OR10A2: variants seen among roughly 807,000 people sequenced by gnomAD.
OR10A2 encodes the protein olfactory receptor 10A2.
OR10A2 carries 15 observed loss-of-function variants against 13.7 expected under a neutral mutation model. The ratio of observed to expected loss-of-function variants is 1.10; its 90% CI spans 0.73 to 1.69. The LOEUF (loss-of-function observed/expected upper bound fraction) is 1.69, where lower values mean the gene tolerates loss of function less well. OR10A2 is among the 40% of genes most tolerant of loss of function. The pLI is 0.00. For synonymous variants in OR10A2, 145 were observed against 144.7 expected, an observed-to-expected ratio of 1.00 and a Z score of -0.02; for missense variants, 343 against 361.1, an observed-to-expected ratio of 0.95 and a Z score of 0.41.
Position 6,870,736 on chromosome 11 carries a change from C to T in OR10A2, c.*70C>T. 8.5e-7 allele frequency: 1 copy of T among 1,175,858 alleles called. No individual in the cohort carries two copies. The highest frequency in any genetic ancestry group is 1.2e-6 in the Non-Finnish European group (1 of 828,500). The allele number at this position is 1,175,858 out of a possible 1,614,324, so 72.8% of individuals were successfully genotyped here. Reference sequence around the variant, plus strand: ...GTCCCAGATTTGAGATTCCTCTCTGCATCTTTCCACATCTCCAATAAGATG... The same window carrying T: ...GTCCCAGATTTGAGATTCCTCTCTGTATCTTTCCACATCTCCAATAAGATG... On this transcript the variant is annotated 3_prime_UTR_variant, in exon 2 of 2. Transcript: ENST00000641461.
intron 1 of OR10A2, among the ~76,000 whole-genome samples, chr11:6,865,280 C>T (rs1470143863): frequency 6.6e-6 from 1 of 150,750 alleles, no homozygotes; most frequent in Non-Finnish European, 1.5e-5. Context: ...TTGCATATAG[C>T]CTTTCAGTCT....
intron 1 of OR10A2, among the ~76,000 whole-genome samples, chr11:6,865,529 A>G (rs1041800219): frequency 1.3e-5 from 2 of 152,190 alleles, no homozygotes; most frequent in Non-Finnish European, 2.9e-5. Flanking sequence ...ACAATTGGCT[A>G]TGCTTACTAA....
At position 6,871,616 on chromosome 11, in the gene OR10A2, G is replaced by A. The variant is rs1026769058; in HGVS notation, c.*950G>A. The A allele has an allele frequency of 6.6e-6, 1 of 152,000 alleles. No homozygotes were observed. The highest frequency in any genetic ancestry group is 1.5e-5 in the Non-Finnish European group (1 of 68,014). The allele number at this position is 152,000 out of a possible 1,614,324, so 9.4% of individuals were successfully genotyped here. Reference sequence around the variant, plus strand: ...AGAAAAACAACCTGAGCTTCCCTAAGATCTCTATTCCATATTCAGGTTCTT... The same window carrying A: ...AGAAAAACAACCTGAGCTTCCCTAAAATCTCTATTCCATATTCAGGTTCTT... On this transcript the variant is annotated 3_prime_UTR_variant, in exon 2 of 2. Transcript: ENST00000641461.
Position 6,871,159 on chromosome 11 carries a change from G to A in OR10A2, c.*493G>A, listed in dbSNP as rs1848431634. ...AGACAGGGTTTCACCGTGTTAGCCA[G>A]GATGGTCTCGATCTCCTGACCTCGT... On this transcript the variant is annotated 3_prime_UTR_variant, in exon 2 of 2. Transcript: ENST00000641461. 6.5e-6 allele frequency: 1 copy of A among 153,364 alleles called. No individual in the cohort carries two copies. The highest frequency in any genetic ancestry group is 2.1e-4 in the South Asian group (1 of 4,868). 9.5% of individuals were successfully genotyped at this position (153,364 alleles called of 1,614,324 possible).
rs897693168 is a variant in OR10A2, at chr11:6,872,793, G to A, written c.*2127G>A. ...GTGAGCCATTGCATGCAACACAAGTGTTTCTCTTTTCTTTTCTTTCTTTCT... is the reference window on the plus strand; with the variant it reads ...GTGAGCCATTGCATGCAACACAAGTATTTCTCTTTTCTTTTCTTTCTTTCT... On this transcript the variant is annotated 3_prime_UTR_variant, in exon 2 of 2. Transcript: ENST00000641461. 5.3e-5 allele frequency: 8 copies of A among 150,324 alleles called. No individual in the cohort carries two copies. The highest frequency in any genetic ancestry group is 2.0e-4 in the African/African-American group (8 of 40,582). The allele number at this position is 150,324 out of a possible 1,614,324, so 9.3% of individuals were successfully genotyped here.
chr11:6,866,438 C>T (rs1848379054), intron 1 of OR10A2, among the ~76,000 whole-genome samples: 1 of 152,108 alleles, frequency 6.6e-6, no homozygotes, highest in African/African-American at 2.4e-5. Flanking sequence ...TTAATTTTAG[C>T]TTATCAGCCA....
chr11:6,870,406 G>A lies in OR10A2; in HGVS notation c.652G>A (p.Ala218Thr), dbSNP rs755529892. The change falls in exon 2 of 2, where the codon GCT becomes ACT. Residue 218 changes from alanine to threonine, a missense_variant. Coordinates refer to ENST00000641461, the MANE Select transcript of OR10A2 (RefSeq NM_001004460.2). The part of the protein sequence containing the change: ...IAAAILKIPS[A>T]KGKNKAFSTC... Reference sequence around the variant, plus strand: ...TGCTGCCATCCTCAAGATCCCATCAGCTAAAGGGAAGAATAAAGCCTTTTC... The same window carrying A: ...TGCTGCCATCCTCAAGATCCCATCAACTAAAGGGAAGAATAAAGCCTTTTC... The A allele has an allele frequency of 1.2e-6, 2 of 1,614,196 alleles. No homozygotes were observed. The highest frequency in any genetic ancestry group is 1.1e-5 in the South Asian group (1 of 91,080).
In OR10A2 at chr11:6,871,255, TA is replaced by T. The variant is rs2133070899; in HGVS notation, c.*590del. On this transcript the variant is annotated 3_prime_UTR_variant, in exon 2 of 2. Transcript: ENST00000641461. Reference sequence around the variant, plus strand: ...AGCCACCGCGCCTGGCCGGTGTTTATATTTCTGTGTGACGTGCATTGTGCAC... The same window carrying T: ...AGCCACCGCGCCTGGCCGGTGTTTATTTTCTGTGTGACGTGCATTGTGCAC... 6.5e-6 allele frequency: 1 copy of T among 152,822 alleles called. No individual in the cohort carries two copies. The highest frequency in any genetic ancestry group is 2.1e-4 in the South Asian group (1 of 4,840). The allele number at this position is 152,822 out of a possible 1,614,324, so 9.5% of individuals were successfully genotyped here. A position where few individuals can be genotyped will look rare whatever the true frequency, so the allele number is the denominator to read the frequency against.
intron 1 of OR10A2, among the ~76,000 whole-genome samples, chr11:6,867,083 G>A (rs1848384659): frequency 6.6e-6 from 1 of 151,948 alleles, no homozygotes; most frequent in Non-Finnish European, 1.5e-5. Flanking sequence ...AATTGACTCA[G>A]TTTTCTTAAG....
chr11:6,865,770 T>C lies in OR10A2; in HGVS notation c.-133+2419T>C, dbSNP rs534872772. Among the ~76,000 whole-genome samples the C allele has an allele frequency of 3.9e-5, 6 of 152,188 alleles. No individual in the cohort carries two copies. The East Asian group carries it at 5.8e-4, about 15-fold the overall frequency. The stretch of plus-strand genomic sequence containing the variant: ...GTTTTTTATGTGAGTAAATATGGAG[T>C]TTTACAGGAGACATAATCATTTCTG... On this transcript the variant is annotated intron_variant, in intron 1 of 1. Coordinates refer to ENST00000641461, the MANE Select transcript of OR10A2 (RefSeq NM_001004460.2).
chr11:6,869,411 C>T (rs988261326), intron 1 of OR10A2, among the ~76,000 whole-genome samples: 1 of 152,118 alleles, frequency 6.6e-6, no homozygotes, highest in African/African-American at 2.4e-5. Context: ...CAAAATGTAT[C>T]CTTTGATGGA....
intron 1 of OR10A2, among the ~76,000 whole-genome samples, chr11:6,869,032 A>C (rs1197318127): frequency 2.0e-5 from 3 of 152,256 alleles, no homozygotes; most frequent in Non-Finnish European, 4.4e-5. Flanking sequence ...ACAAAGCATG[A>C]TTTAGTAAAA....
intron 1 of OR10A2, among the ~76,000 whole-genome samples, chr11:6,868,798 C>T (rs72921002): frequency 0.33 from 49,416 of 151,790 alleles, 8,573 homozygotes; most frequent in South Asian, 0.41. Flanking sequence ...TTCTAGATTA[C>T]GAATACAATA....
Position 6,872,163 on chromosome 11 carries a change from G to A in OR10A2, c.*1497G>A, listed in dbSNP as rs892783323. 2 of 152,172 alleles carry A rather than the reference G, an allele frequency of 1.3e-5. No individual in the cohort carries two copies. Among genetic ancestry groups the A allele is most frequent in the Non-Finnish European group, 2.9e-5 (2 of 68,036 alleles). 9.4% of individuals were successfully genotyped at this position (152,172 alleles called of 1,614,324 possible). On this transcript the variant is annotated 3_prime_UTR_variant, in exon 2 of 2. Coordinates refer to ENST00000641461, the MANE Select transcript of OR10A2 (RefSeq NM_001004460.2). ...AACAGATGATCAAATCAGAGGAAAG[G>A]TGTGCATTTCATTGAAACTTGAGTT...
intron 1 of OR10A2, among the ~76,000 whole-genome samples, chr11:6,866,119 T>C (rs1397441048): frequency 6.6e-6 from 1 of 152,232 alleles, no homozygotes; most frequent in Non-Finnish European, 1.5e-5. Flanking sequence ...AAGGTATAAA[T>C]GCATCATAAT....
Position 6,870,274 on chromosome 11 carries a change from C to T in OR10A2, c.520C>T (p.Leu174=), listed in dbSNP as rs1206660388. The T allele has an allele frequency of 1.2e-5, 20 of 1,614,110 alleles. No homozygotes were observed. Among genetic ancestry groups the T allele is most frequent in the Non-Finnish European group, 1.6e-5 (19 of 1,180,052 alleles). ...CTGTGACAGCCCACCTGTGCTGAGG[C>T]TGGTCTGTGCAGACACAGCACTCTT... ...FFCDSPPVLR[L]VCADTALFEI... The change falls in exon 2 of 2, where the codon CTG becomes TTG. Residue 174 remains leucine, a synonymous_variant. Transcript: ENST00000641461.
In OR10A2 at chr11:6,870,525, C is replaced by T. The variant is rs773116410; in HGVS notation, c.771C>T (p.Gly257=). ...FRPKSNNSPE[G]KKLLSLSYTV... Reference sequence around the variant, plus strand: ...CTAAATCAAATAATTCACCTGAGGGCAAGAAGCTGCTATCATTGTCCTACA... The same window carrying T: ...CTAAATCAAATAATTCACCTGAGGGTAAGAAGCTGCTATCATTGTCCTACA... Residue 257 remains glycine (G), a synonymous_variant, in exon 2 of 2, where the codon GGC becomes GGT. Transcript: ENST00000641461. The T allele has an allele frequency of 6.2e-7, 1 of 1,614,090 alleles. No homozygotes were observed. The highest frequency in any genetic ancestry group is 1.3e-5 in the African/African-American group (1 of 75,040).
At position 6,869,616 on chromosome 11, in the gene OR10A2, C is replaced by T; in HGVS notation, c.-132-7C>T. 1 of 803,852 alleles carries T rather than the reference C, an allele frequency of 1.2e-6. No individual in the cohort carries two copies. Among genetic ancestry groups the T allele is most frequent in the Non-Finnish European group, 2.0e-6 (1 of 489,554 alleles). 49.8% of individuals were successfully genotyped at this position (803,852 alleles called of 1,614,324 possible). ...TGAGGTGCTGACCTTGCCTCTTTCC[C>T]TGACAGTAAGAACGAGTCTGAAAAA... On this transcript the variant is annotated splice_region_variant and splice_polypyrimidine_tract_variant and intron_variant, in intron 1 of 1. Transcript: ENST00000641461.
At position 6,873,673 on chromosome 11, in the gene OR10A2, A is replaced by T. The variant is rs1407553953; in HGVS notation, c.*3007A>T. 1 of 152,206 alleles carries T rather than the reference A, an allele frequency of 6.6e-6. No homozygotes were observed. The highest frequency in any genetic ancestry group is 2.4e-5 in the African/African-American group (1 of 41,450). 9.4% of individuals were successfully genotyped at this position (152,206 alleles called of 1,614,324 possible). On this transcript the variant is annotated 3_prime_UTR_variant, in exon 2 of 2. Coordinates refer to ENST00000641461, the MANE Select transcript of OR10A2 (RefSeq NM_001004460.2). Reference sequence around the variant, plus strand: ...AAAAATAAGCAGAGATCACAGGAAAAGACCTTGTTAAAGGATTTACTTTAT... The same window carrying T: ...AAAAATAAGCAGAGATCACAGGAAATGACCTTGTTAAAGGATTTACTTTAT...
Sources: allele counts gnomAD v4.1 joint callset (sites outside exome capture counted in the v4.1 genomes callset), GRCh38; gene constraint gnomAD v4.1.1; transcripts MANE v1.5; gene names NCBI Gene and HGNC (gene_info 2026-07-23, HGNC 2026-07-21).